RNF220: variants seen among roughly 807,000 people sequenced by gnomAD.
RNF220 encodes the protein E3 ubiquitin-protein ligase RNF220.
RNF220 carries 7 observed loss-of-function variants against 67.1 expected under a neutral mutation model. The ratio of observed to expected loss-of-function variants is 0.10; its 90% CI spans 0.06 to 0.20. RNF220 has a LOEUF of 0.20. RNF220 is among the 10% of genes least tolerant of loss of function. The probability of loss-of-function intolerance (pLI) is 1.00; values close to 1 mark genes in which losing one functional copy is unlikely to be tolerated. For missense variants in RNF220, 565 were observed against 740.3 expected (o/e 0.76, Z 2.75); for synonymous variants, 270 against 283.2 (o/e 0.95, Z 0.47).
chr1:44,507,176 G>T (rs968210452), intron 2 of RNF220, among the ~76,000 whole-genome samples: 1 of 152,118 alleles, frequency 6.6e-6, no homozygotes, highest in East Asian at 1.9e-4. Flanking sequence ...TTCTTCTAGC[G>T]GCCGGATCTC....
At chr1:44,434,867 A>T (rs1650797234) in intron 2 of RNF220, among the ~76,000 whole-genome samples, 1 of 151,944 alleles carries the variant, frequency 6.6e-6, no homozygotes, top group African/African-American at 2.4e-5. Flanking sequence ...AAAAAAAAAA[A>T]AAATTAAAAA....
At chr1:44,424,879 T>C (rs1386762803) in intron 2 of RNF220, among the ~76,000 whole-genome samples, 4 of 152,242 alleles carry the variant, frequency 2.6e-5, no homozygotes, top group African/African-American at 9.6e-5. Context: ...CCCCTTGGGC[T>C]CCAGCCCGCT....
intron 5 of RNF220, among the ~76,000 whole-genome samples, chr1:44,630,176 A>G (rs1167683007): frequency 6.6e-6 from 1 of 152,162 alleles, no homozygotes; most frequent in Non-Finnish European, 1.5e-5. Context: ...GGGCTCAAGC[A>G]ATCCTCCTGC....
chr1:44,639,762 CTTCTT>C (rs915092631), intron 8 of RNF220, among the ~76,000 whole-genome samples: 23 of 152,164 alleles, frequency 1.5e-4, no homozygotes, highest in South Asian at 8.3e-4. Context: ...AATCTTTTCT[CTTCTT>C]TTCTTTTCTT....
intron 2 of RNF220, among the ~76,000 whole-genome samples, chr1:44,607,492 T>C (rs1344051465): frequency 6.7e-6 from 1 of 149,932 alleles, no homozygotes; most frequent in Non-Finnish European, 1.5e-5. Flanking sequence ...GTTTTCTTTT[T>C]TTTTTTTTTT....
In RNF220 at chr1:44,606,676, C is replaced by T. The variant is rs764316741; in HGVS notation, c.626-7489C>T. Among the ~76,000 whole-genome samples, 5 of 152,154 alleles carry T rather than the reference C, an allele frequency of 3.3e-5. No homozygotes were observed. Among genetic ancestry groups the T allele is most frequent in the African/African-American group, 7.2e-5 (3 of 41,432 alleles). On this transcript the variant is annotated intron_variant, in intron 2 of 14. Transcript: ENST00000361799. The surrounding 1 kb of genome is among the most constrained non-coding windows in gnomAD (Gnocchi z 4.2). ...GCCTTAAACTTCCTCTAACTGTAAA[C>T]GAAGGTTCTGTTCCAGACACTCTTC...
chr1:44,457,647 G>A (rs376041575), intron 2 of RNF220, among the ~76,000 whole-genome samples: 2 of 151,978 alleles, frequency 1.3e-5, no homozygotes, highest in African/African-American at 4.8e-5. Context: ...TTAGATCTGC[G>A]TTTTAGGAAG....
chr1:44,443,685 A>AT (rs754934580), intron 2 of RNF220, among the ~76,000 whole-genome samples: 2 of 152,128 alleles, frequency 1.3e-5, no homozygotes, highest in African/African-American at 4.8e-5. Flanking sequence ...CCCCAAGTAC[A>AT]TTTTTTTCTT....
chr1:44,615,119 GCACCTA>G (rs1643489285), intron 3 of RNF220, among the ~76,000 whole-genome samples: 1 of 152,124 alleles, frequency 6.6e-6, no homozygotes, highest in Non-Finnish European at 1.5e-5. Context: ...TGGAATCAAA[GCACCTA>G]CACAGGGCTT....
chr1:44,646,911 A>G (rs1644667262), intron 12 of RNF220, among the ~76,000 whole-genome samples: 1 of 152,178 alleles, frequency 6.6e-6, no homozygotes, highest in Non-Finnish European at 1.5e-5. Flanking sequence ...AAGGAATGGT[A>G]GGATGCCATG....
chr1:44,412,560 T>C lies in RNF220; in HGVS notation c.463T>C (p.Phe155Leu). The change falls in exon 2 of 15, where the codon TTC becomes CTC. Residue 155 changes from phenylalanine (F) to leucine (L), a missense_variant. Transcript: ENST00000361799. This position sits in a 1 kb window ranked among gnomAD's most constrained non-coding sequence, Gnocchi z 5.3. ...CHDTESPHLR[F>L]SDADGKEYDF... ...TGACACAGAGTCTCCCCACTTGCGC[T>C]TCTCAGATGCAGATGGCAAGGAATA... The C allele has an allele frequency of 6.2e-7, 1 of 1,614,172 alleles. No individual in the cohort carries two copies. Among genetic ancestry groups the C allele is most frequent in the South Asian group, 1.1e-5 (1 of 91,082 alleles).
chr1:44,477,507 A>G (rs573222086), intron 2 of RNF220, among the ~76,000 whole-genome samples: 24 of 150,968 alleles, frequency 1.6e-4, no homozygotes, highest in Admixed American at 1.0e-3. Context: ...AGGCAGAAAA[A>G]TGCTTGTTTG....
At chr1:44,648,108 G>A (rs1436601371) in intron 12 of RNF220, among the ~76,000 whole-genome samples, 1 of 152,116 alleles carries the variant, frequency 6.6e-6, no homozygotes, top group Admixed American at 6.5e-5. Context: ...CTGTTCCCTT[G>A]GCCTGGAGCC....
At chr1:44,568,106 C>G (rs1220586754) in intron 2 of RNF220, among the ~76,000 whole-genome samples, 1 of 152,206 alleles carries the variant, frequency 6.6e-6, no homozygotes, top group Non-Finnish European at 1.5e-5. Flanking sequence ...TCTTCAATCT[C>G]CACATCCAAC....
chr1:44,525,396 A>T (rs999808696), intron 2 of RNF220, among the ~76,000 whole-genome samples: 1 of 152,228 alleles, frequency 6.6e-6, no homozygotes, highest in African/African-American at 2.4e-5. Context: ...GACGCATCTC[A>T]TCAAATCCTT....
rs564625226 is a variant in RNF220 at position 44,407,549 on chromosome 1, G to C, written c.-118+2019G>C. On this transcript the variant is annotated intron_variant, in intron 1 of 14. Transcript: ENST00000361799. ...CTTGCTGCGCTTCGAGGCAAGGCTG[G>C]GGAAGGCCGAGGACGGGGCGGCGCC... 2.0e-5 allele frequency among the ~76,000 whole-genome samples: 3 copies of C among 152,252 alleles called. No individual in the cohort carries two copies. The South Asian group carries it at 6.2e-4, about 31-fold the overall frequency.
chr1:44,529,333 A>G (rs574092169), intron 2 of RNF220, among the ~76,000 whole-genome samples: 36 of 147,732 alleles, frequency 2.4e-4, no homozygotes, highest in Non-Finnish European at 3.3e-4. Context: ...TATGCATGGG[A>G]AAAAAAAAAG....
chr1:44,647,975 G>A (rs751908762), intron 12 of RNF220, among the ~76,000 whole-genome samples: 9 of 152,164 alleles, frequency 5.9e-5, no homozygotes, highest in Non-Finnish European at 1.0e-4. Flanking sequence ...ATAAACTTCA[G>A]CTCCTTCAGG....
In RNF220 at chr1:44,620,848, G is replaced by A. The variant is rs972219392; in HGVS notation, c.759-1894G>A. 4.0e-5 allele frequency among the ~76,000 whole-genome samples: 6 copies of A among 151,868 alleles called. No homozygotes were observed. The East Asian group carries it at 7.7e-4, about 19-fold the overall frequency. On this transcript the variant is annotated intron_variant, in intron 3 of 14. Transcript: ENST00000361799. Reference sequence around the variant, plus strand: ...GGTACACACAGGTGTCCATATCTACGCATGTGTTTATTGGACTTGTGCACA... The same window carrying A: ...GGTACACACAGGTGTCCATATCTACACATGTGTTTATTGGACTTGTGCACA...
Sources: allele counts gnomAD v4.1 joint callset (sites outside exome capture counted in the v4.1 genomes callset), GRCh38; gene constraint gnomAD v4.1.1; non-coding constraint Gnocchi (gnomAD v3.1); transcripts MANE v1.5; gene names NCBI Gene and HGNC (gene_info 2026-07-23, HGNC 2026-07-21).